The following AKAP10 variants were observed in gnomAD, a reference collection of about 807,000 sequenced individuals.
AKAP10 encodes the protein A-kinase anchoring protein 10.
Under a neutral mutation model 80.8 loss-of-function variants are expected in AKAP10, and 24 were observed. That is an observed-to-expected ratio of 0.30 (90% CI 0.22 to 0.42). AKAP10 has a LOEUF of 0.42. Among genes scored for constraint, AKAP10 ranks in the 10% least tolerant of loss-of-function variants. The probability of loss-of-function intolerance (pLI) is 1.00; values close to 1 mark genes in which losing one functional copy is unlikely to be tolerated. For synonymous variants in AKAP10, 291 were observed against 277.7 expected, an observed-to-expected ratio of 1.05 and a Z score of -0.48; for missense variants, 661 against 794.9, an observed-to-expected ratio of 0.83 and a Z score of 2.03.
chr17:19,941,189 A>T (rs1435571329), intron 6 of AKAP10, among the ~76,000 whole-genome samples, 179 bp from the exon 7 acceptor site: 2 of 152,112 alleles, frequency 1.3e-5, no homozygotes, highest in Non-Finnish European at 2.9e-5. Context: ...CCACCTTTTT[A>T]TGACTTTGTA....
intron 4 of AKAP10, among the ~76,000 whole-genome samples, chr17:19,955,796 T>C (rs1005322110): frequency 2.6e-5 from 4 of 151,954 alleles, no homozygotes; most frequent in African/African-American, 7.2e-5. Flanking sequence ...GAGTACGTCA[T>C]TGCACTCCAG....
At chr17:19,948,644 G>C (rs1271553121) in intron 4 of AKAP10, among the ~76,000 whole-genome samples, 2 of 152,156 alleles carry the variant, frequency 1.3e-5, no homozygotes, top group Non-Finnish European at 2.9e-5. Flanking sequence ...CCAGACAACA[G>C]GAAAGGGATA....
chr17:19,912,072 CTTAAG>C (rs2042697186), intron 12 of AKAP10, among the ~76,000 whole-genome samples: 1 of 152,050 alleles, frequency 6.6e-6, no homozygotes, highest in Admixed American at 6.6e-5. Context: ...AATGTAACTT[CTTAAG>C]TTATCTTGCT....
chr17:19,914,149 G>T (rs2042719646), intron 12 of AKAP10, among the ~76,000 whole-genome samples: 2 of 152,002 alleles, frequency 1.3e-5, no homozygotes, highest in African/African-American at 4.8e-5. Flanking sequence ...ACAGGCATGT[G>T]CCACCATGCC....
chr17:19,948,316 T>C lies in AKAP10; in HGVS notation c.878-811A>G, dbSNP rs964473088. ...CACCTCCTGGCCTGGACTCAAAAGC[T>C]GAAACTGCACACCAGATGCACAAAG... On this transcript the variant is annotated intron_variant, in intron 4 of 14. Transcript: ENST00000225737. Among the ~76,000 whole-genome samples, 7 of 149,878 alleles carry C rather than the reference T, an allele frequency of 4.7e-5. No individual in the cohort carries two copies. In the Admixed American group the frequency reaches 4.7e-4, roughly 10 times the overall value.
rs2152414594 is a variant in AKAP10, at chr17:19,941,905, T to C, written c.982A>G (p.Ile328Val). 1 of 1,609,846 alleles carries C rather than the reference T, an allele frequency of 6.2e-7. No homozygotes were observed. The highest frequency in any genetic ancestry group is 8.5e-7 in the Non-Finnish European group (1 of 1,178,080). ...TCCACCTGTCCATCTTCTCCACAAA[T>C]CCTTGCTGCAAAAGAAGTTGTAAAT... ...EAMRNDIIAR[I>V]CGEDGQVDPN... is the part of the protein sequence containing the mutation. Residue 328 changes from isoleucine (I) to valine (V), a missense_variant, in exon 6 of 15, where the codon ATT (isoleucine) becomes GTT (valine). By Grantham distance (29) the Ile-to-Val change is conservative. Transcript: ENST00000225737.
At chr17:19,931,697 T>A in intron 10 of AKAP10, 108 bp downstream of exon 10, 1 of 1,328,376 alleles carries the variant, frequency 7.5e-7, no homozygotes, top group East Asian at 2.5e-5. Flanking sequence ...GGCTTTTATC[T>A]TTTTTTTCCA....
rs2042805303 is a variant in AKAP10 at position 19,920,887 on chromosome 17, C to CAAAAAAAAAAAAA, written c.1752-770_1752-769insTTTTTTTTTTTTT. 4.6e-4 allele frequency among the ~76,000 whole-genome samples: 31 copies of CAAAAAAAAAAAAA among 66,858 alleles called. 1 individual carries two copies. Among genetic ancestry groups the CAAAAAAAAAAAAA allele is most frequent in the African/African-American group, 1.8e-3 (29 of 15,886 alleles). The allele number at this position is 66,858 out of a possible 152,430, so 43.9% of individuals were successfully genotyped here. On this transcript the variant is annotated intron_variant, in intron 11 of 14. Transcript: ENST00000225737. ...AAAAAAAAAAAAAAAAAAAAAAAAG[C>CAAAAAAAAAAAAA]AAAAAATACAGTAAGGGTCTTATTT...
intron 11 of AKAP10, among the ~76,000 whole-genome samples, chr17:19,922,990 T>C (rs1331798432): frequency 6.6e-6 from 1 of 152,266 alleles, no homozygotes; most frequent in Non-Finnish European, 1.5e-5. Context: ...ATAGACTTTA[T>C]GTAAGGTCTT....
chr17:19,933,777 GT>G (rs1567759077), intron 9 of AKAP10, among the ~76,000 whole-genome samples: 2 of 151,974 alleles, frequency 1.3e-5, no homozygotes, highest in African/African-American at 4.8e-5. Flanking sequence ...ATATAATAGC[GT>G]TTAATTAAGT....
At chr17:19,946,237 TTATA>T (rs1171891537) in intron 5 of AKAP10, among the ~76,000 whole-genome samples, 74 of 15,148 alleles carry the variant, frequency 4.9e-3, no homozygotes, top group South Asian at 0.019. Flanking sequence ...TATATATATA[TTATA>T]TATATATATA....
In AKAP10 at chr17:19,968,409, C is replaced by G. The variant is rs201166326; in HGVS notation, c.136+5G>C. On this transcript the variant is annotated splice_donor_5th_base_variant and intron_variant, in intron 2 of 14. Transcript: ENST00000225737. Reference sequence around the variant, plus strand: ...ATGCAGTGGACTGCCAAGGGCAGAACTTACCTTTAATGGACTTCACATCTG... The same window carrying G: ...ATGCAGTGGACTGCCAAGGGCAGAAGTTACCTTTAATGGACTTCACATCTG... 5.6e-6 allele frequency: 9 copies of G among 1,612,998 alleles called. No homozygotes were observed. The highest frequency in any genetic ancestry group is 6.8e-6 in the Non-Finnish European group (8 of 1,179,260).
In AKAP10 at chr17:19,916,637, T is replaced by TA. The variant is rs767359539; in HGVS notation, c.1834+3398dup. Among the ~76,000 whole-genome samples the TA allele has an allele frequency of 7.2e-3, 1,006 of 140,626 alleles. 8 individuals are homozygous for TA. Among genetic ancestry groups the TA allele is most frequent in the African/African-American group, 0.022 (833 of 38,150 alleles). 92.3% of individuals were successfully genotyped at this position (140,626 alleles called of 152,430 possible). A position where few individuals can be genotyped will look rare whatever the true frequency, so the allele number is the denominator to read the frequency against. On this transcript the variant is annotated intron_variant, in intron 12 of 14. Coordinates refer to ENST00000225737, the MANE Select transcript of AKAP10 (RefSeq NM_007202.4). ...AGCTGTCAGAGGTATGAGACCAGAT[T>TA]AAAAAAAAAAAAAAATCAGGCCAGG...
In AKAP10 at chr17:19,904,675, T is replaced by C. The variant is rs2042614491; in HGVS notation, c.*1552A>G. The C allele has an allele frequency of 6.6e-6, 1 of 152,126 alleles. No individual in the cohort carries two copies. The highest frequency in any genetic ancestry group is 2.4e-5 in the African/African-American group (1 of 41,418). The allele number at this position is 152,126 out of a possible 1,614,324, so 9.4% of individuals were successfully genotyped here. On this transcript the variant is annotated 3_prime_UTR_variant, in exon 15 of 15. Transcript: ENST00000225737. ...CAGTAGTGGCTCATGTTCTGGGTTT[T>C]TAGAAAGCAAATGAAAATATTTGGA...
rs1436485507 is a variant in AKAP10, at chr17:19,970,830, A to AT, written c.89-2370_89-2369insA. Among the ~76,000 whole-genome samples, 1,029 of 152,070 alleles carry AT rather than the reference A, an allele frequency of 6.8e-3. 11 individuals carry two copies. The highest frequency in any genetic ancestry group is 0.024 in the African/African-American group (977 of 41,404). On this transcript the variant is annotated intron_variant, in intron 1 of 14. Transcript: ENST00000225737. ...AGAGCAAGACTCTGTCTTAAAAAAA[A>AT]AAAAATAAATAAATAAATAAAGACA...
chr17:19,908,754 C>T (rs2042658927), intron 14 of AKAP10, among the ~76,000 whole-genome samples: 1 of 152,110 alleles, frequency 6.6e-6, no homozygotes, highest in South Asian at 2.1e-4. Flanking sequence ...ATTCTCCTGC[C>T]TCAGCCTCCC....
At chr17:19,966,725 C>CACAGAATTTTTTAGCCCAGTAGAGA (rs2043424608) in intron 2 of AKAP10, among the ~76,000 whole-genome samples, 1 of 119,060 alleles carries the variant, frequency 8.4e-6, no homozygotes, top group Non-Finnish European at 1.9e-5. Flanking sequence ...AATGAAGAAT[C>CACAGAATTTTTTAGCCCAGTAGAGA]TGAAGAAAGT....
At chr17:19,916,534 A>G (rs2042743934) in intron 12 of AKAP10, among the ~76,000 whole-genome samples, 1 of 152,092 alleles carries the variant, frequency 6.6e-6, no homozygotes, top group Non-Finnish European at 1.5e-5. Context: ...ACAAACAGAA[A>G]CTGCAAACAC....
At chr17:19,970,746 C>T (rs1357173943) in intron 1 of AKAP10, among the ~76,000 whole-genome samples, 1 of 152,000 alleles carries the variant, frequency 6.6e-6, no homozygotes, top group Non-Finnish European at 1.5e-5. Context: ...TCGCTTGAAC[C>T]CGGGAGGCCG....
Sources: allele counts gnomAD v4.1 joint callset (sites outside exome capture counted in the v4.1 genomes callset), GRCh38; gene constraint gnomAD v4.1.1; transcripts MANE v1.5; gene names NCBI Gene and HGNC (gene_info 2026-07-23, HGNC 2026-07-21).